CSMD1: variants seen among roughly 807,000 people sequenced by gnomAD.
CSMD1 encodes CUB and Sushi multiple domains 1.
CSMD1 carries 213 observed loss-of-function variants against 417.5 expected under a neutral mutation model. That is an observed-to-expected ratio of 0.51 (90% CI 0.46 to 0.57). The LOEUF (loss-of-function observed/expected upper bound fraction) is 0.57, where lower values mean the gene tolerates loss of function less well. Among genes scored for constraint, CSMD1 ranks in the 20% least tolerant of loss-of-function variants. The probability of loss-of-function intolerance (pLI) is 0.00; values close to 1 mark genes in which losing one functional copy is unlikely to be tolerated. For missense variants in CSMD1, 6,923 were observed against 4,529.7 expected (o/e 1.53, Z -15.17); for synonymous variants, 2,862 against 1,736.8 (o/e 1.65, Z -16.11).
At chr8:3,371,849 T>C (rs1047887958) in intron 18 of CSMD1, among the ~76,000 whole-genome samples, 1 of 152,214 alleles carries the variant, frequency 6.6e-6, no homozygotes, top group Non-Finnish European at 1.5e-5. Context: ...CATCTGAAGA[T>C]TGCAGTGACT....
chr8:4,356,620 G>T (rs552675250), intron 3 of CSMD1, among the ~76,000 whole-genome samples: 6 of 152,144 alleles, frequency 3.9e-5, no homozygotes, highest in Non-Finnish European at 8.8e-5. Flanking sequence ...TGTTTTCACT[G>T]TGTCTGCTTT....
At chr8:4,420,367 CTTTT>C (rs887358214) in intron 2 of CSMD1, among the ~76,000 whole-genome samples, 2 of 148,460 alleles carry the variant, frequency 1.3e-5, no homozygotes, top group African/African-American at 4.9e-5. Context: ...CTACTGCCAA[CTTTT>C]TTTTTTATTT....
chr8:4,152,300 G>C (rs1214550912), intron 3 of CSMD1, among the ~76,000 whole-genome samples: 3 of 152,138 alleles, frequency 2.0e-5, no homozygotes, highest in South Asian at 2.1e-4. Flanking sequence ...TCTACTTCCA[G>C]TTATAAATCA....
intron 1 of CSMD1, among the ~76,000 whole-genome samples, chr8:4,987,926 C>T (rs2117464523): frequency 6.6e-6 from 1 of 152,306 alleles, no homozygotes; most frequent in Middle Eastern, 3.4e-3. Flanking sequence ...GTGTCTTGGA[C>T]TTTAGGCCAC....
intron 37 of CSMD1, among the ~76,000 whole-genome samples, chr8:3,179,474 A>C (rs1378813734): frequency 1.3e-5 from 2 of 152,232 alleles, no homozygotes; most frequent in African/African-American, 4.8e-5. Context: ...GAAATATGTT[A>C]GTCTCTCTTT....
At chr8:4,947,203 G>A (rs1053257578) in intron 1 of CSMD1, among the ~76,000 whole-genome samples, 2 of 152,146 alleles carry the variant, frequency 1.3e-5, no homozygotes, top group African/African-American at 4.8e-5. Context: ...ATTCACTGCT[G>A]TTATCTACTT....
intron 17 of CSMD1, among the ~76,000 whole-genome samples, chr8:3,394,422 T>C (rs1480923353): frequency 6.6e-6 from 1 of 151,768 alleles, no homozygotes; most frequent in African/African-American, 2.4e-5. Context: ...GATAAACAAA[T>C]GAAATTAGTT....
At chr8:4,865,105 T>A (rs941667465) in intron 1 of CSMD1, among the ~76,000 whole-genome samples, 2 of 151,814 alleles carry the variant, frequency 1.3e-5, no homozygotes, top group African/African-American at 2.4e-5. Flanking sequence ...GGATGAATTA[T>A]GTAATAGTGA....
intron 5 of CSMD1, among the ~76,000 whole-genome samples, chr8:3,822,220 C>G (rs915304475): frequency 6.6e-6 from 1 of 152,138 alleles, no homozygotes; most frequent in African/African-American, 2.4e-5. Flanking sequence ...GACACTCTGC[C>G]ATGTGCCTGC....
intron 1 of CSMD1, among the ~76,000 whole-genome samples, chr8:4,719,493 A>C (rs546626192): frequency 6.6e-6 from 1 of 152,042 alleles, no homozygotes; most frequent in Non-Finnish European, 1.5e-5. Flanking sequence ...CTTCAAGCGC[A>C]TTGTAAGTAA....
At chr8:4,343,692 T>C (rs1015145463) in intron 3 of CSMD1, among the ~76,000 whole-genome samples, 1 of 152,108 alleles carries the variant, frequency 6.6e-6, no homozygotes, top group Admixed American at 6.6e-5. Context: ...CCTTTGCAGC[T>C]TTTTCTTTTC....
intron 4 of CSMD1, among the ~76,000 whole-genome samples, chr8:4,030,249 A>G (rs1309999355): frequency 6.6e-6 from 1 of 152,124 alleles, no homozygotes; most frequent in Non-Finnish European, 1.5e-5. Flanking sequence ...CTGACCCCAC[A>G]TTTCCCTCCT....
At chr8:3,751,905 A>C (rs1455050794) in intron 6 of CSMD1, among the ~76,000 whole-genome samples, 1 of 152,208 alleles carries the variant, frequency 6.6e-6, no homozygotes, top group Non-Finnish European at 1.5e-5. Flanking sequence ...CAAATCTGTT[A>C]ATCAACCTAA....
chr8:4,683,497 G>A (rs558290265), intron 1 of CSMD1, among the ~76,000 whole-genome samples: 1 of 152,152 alleles, frequency 6.6e-6, no homozygotes, highest in Non-Finnish European at 1.5e-5. Context: ...GACAACAGGG[G>A]AGGCTATCCC....
chr8:4,378,307 T>A (rs1391154963), intron 3 of CSMD1, among the ~76,000 whole-genome samples: 2 of 152,246 alleles, frequency 1.3e-5, no homozygotes, highest in African/African-American at 2.4e-5. Context: ...ACTATTAAAT[T>A]GTTATAAATT....
rs146782189 is a variant in CSMD1, at chr8:3,402,987, A to T, written c.2266+3040T>A. On this transcript the variant is annotated intron_variant, in intron 15 of 69. Transcript: ENST00000635120. Reference sequence around the variant, plus strand: ...AAAGTACTGTTCTAATGGTTTCCAGATGGGATAGTATAGGCATTAAGGTTT... The same window carrying T: ...AAAGTACTGTTCTAATGGTTTCCAGTTGGGATAGTATAGGCATTAAGGTTT... Among the ~76,000 whole-genome samples, 335 of 152,228 alleles carry T rather than the reference A, an allele frequency of 2.2e-3. 1 individual carries two copies. The highest frequency in any genetic ancestry group is 7.5e-3 in the African/African-American group (310 of 41,548).
At chr8:4,343,670 C>T (rs946997206) in intron 3 of CSMD1, among the ~76,000 whole-genome samples, 4 of 152,106 alleles carry the variant, frequency 2.6e-5, no homozygotes, top group African/African-American at 4.8e-5. Flanking sequence ...AAGTCTGTGT[C>T]TGGTGATCTG....
intron 5 of CSMD1, among the ~76,000 whole-genome samples, chr8:3,896,901 G>C (rs941646118): frequency 6.6e-6 from 1 of 151,618 alleles, no homozygotes; most frequent in African/African-American, 2.4e-5. Flanking sequence ...TTGATGTTTG[G>C]TTCTCCAATA....
At chr8:4,120,961 A>T (rs1400171265) in intron 3 of CSMD1, among the ~76,000 whole-genome samples, 2 of 152,180 alleles carry the variant, frequency 1.3e-5, no homozygotes, top group South Asian at 2.1e-4. Flanking sequence ...CTTTTCTTAC[A>T]TGGTCATGGA....
Sources: allele counts gnomAD v4.1 joint callset (sites outside exome capture counted in the v4.1 genomes callset), GRCh38; gene constraint gnomAD v4.1.1; transcripts MANE v1.5; gene names NCBI Gene and HGNC (gene_info 2026-07-23, HGNC 2026-07-21).